Variants in EIF3E observed in about 807,000 individuals in gnomAD.
EIF3E encodes eukaryotic translation initiation factor 3 subunit E, also known as eIF-3 p48.
EIF3E carries 25 observed loss-of-function variants against 59.3 expected under a neutral mutation model. That is an observed-to-expected ratio of 0.42 (90% CI 0.31 to 0.59). EIF3E has a LOEUF of 0.59. EIF3E is among the 20% of genes least tolerant of loss of function. The pLI, the probability that EIF3E is intolerant of heterozygous loss-of-function variation, is 0.15. For missense variants in EIF3E, 317 were observed against 534.3 expected, an observed-to-expected ratio of 0.59 and a Z score of 4.01; for synonymous variants, 176 against 170.2, an observed-to-expected ratio of 1.03 and a Z score of -0.26.
chr8:108,246,990 G>A (rs1445968902), intron 1 of EIF3E, among the ~76,000 whole-genome samples: 1 of 152,158 alleles, frequency 6.6e-6, no homozygotes, highest in Non-Finnish European at 1.5e-5. Flanking sequence ...GACTGCGAGA[G>A]CTCAGCGTTC....
intron 5 of EIF3E, 163 bp downstream of exon 5, chr8:108,234,835 T>G (rs1225786764): frequency 5.0e-6 from 2 of 402,724 alleles, no homozygotes; most frequent in Non-Finnish European, 8.7e-6. Flanking sequence ...TTCTAGTTTC[T>G]GTTTTTGAGT....
At chr8:108,233,653 G>A in intron 5 of EIF3E, 1 of 409,878 alleles carries the variant, frequency 2.4e-6, no homozygotes, top group Non-Finnish European at 4.9e-6. Flanking sequence ...ATCAGCCTGG[G>A]CAACATAGCA....
chr8:108,223,157 T>C (rs952521045), intron 7 of EIF3E, among the ~76,000 whole-genome samples: 1 of 152,168 alleles, frequency 6.6e-6, no homozygotes, highest in Non-Finnish European at 1.5e-5. Flanking sequence ...TTAACAGCTT[T>C]AAGTAACTAA....
At chr8:108,244,815 T>A (rs1815915385) in intron 1 of EIF3E, among the ~76,000 whole-genome samples, 1 of 152,024 alleles carries the variant, frequency 6.6e-6, no homozygotes, top group African/African-American at 2.4e-5. Context: ...GGAAAAAAAG[T>A]CACCTATTCT....
intron 10 of EIF3E, 56 bp from the exon 11 acceptor site, chr8:108,203,559 T>C: frequency 8.5e-6 from 12 of 1,403,642 alleles, no homozygotes; most frequent in Non-Finnish European, 1.2e-5. Flanking sequence ...AACTTAGTTT[T>C]ATGTACACAG....
chr8:108,241,456 C>A (rs1815832417), intron 2 of EIF3E, among the ~76,000 whole-genome samples: 1 of 151,506 alleles, frequency 6.6e-6, no homozygotes, highest in African/African-American at 2.4e-5. Flanking sequence ...AAACACAAAA[C>A]TCTAAGGCAC....
In EIF3E at chr8:108,240,047, A is replaced by G; in HGVS notation, c.234T>C (p.Val78=). The change falls in exon 3 of 13, where the codon GTT becomes GTC. Residue 78 remains valine, a synonymous_variant. Coordinates refer to ENST00000220849, the MANE Select transcript of EIF3E (RefSeq NM_001568.3). ...HALREKRTTV[V]AQLKQLQAET... is the part of the protein sequence containing the mutation. The stretch of plus-strand genomic sequence containing the variant: ...CTGCCTGAAGCTGTTTCAGTTGTGC[A>G]ACCACTGTGGTTCTTTTCTCTCTCA... The G allele has an allele frequency of 6.2e-7, 1 of 1,614,046 alleles. No individual in the cohort carries two copies.
intron 7 of EIF3E, 185 bp downstream of exon 7, chr8:108,228,082 T>C: frequency 1.8e-6 from 1 of 542,972 alleles, no homozygotes. Flanking sequence ...TAGGGTACAC[T>C]CTGTCAAATA....
chr8:108,230,372 A>G (rs532391495), intron 5 of EIF3E, among the ~76,000 whole-genome samples: 1 of 152,304 alleles, frequency 6.6e-6, no homozygotes, highest in South Asian at 2.1e-4. Flanking sequence ...CACCTGATAC[A>G]GAATAAGAAC....
At chr8:108,248,185 C>G (rs866367149) in intron 1 of EIF3E, among the ~76,000 whole-genome samples, 1 of 152,170 alleles carries the variant, frequency 6.6e-6, no homozygotes, top group Non-Finnish European at 1.5e-5. Context: ...CCAAAAGACT[C>G]GACATGCAAA....
intron 9 of EIF3E, among the ~76,000 whole-genome samples, chr8:108,215,718 G>C (rs147134606): frequency 0.012 from 1,871 of 152,208 alleles, 38 homozygotes; most frequent in African/African-American, 0.042. Flanking sequence ...CCCATTTTGT[G>C]CCAAAATTTT....
chr8:108,213,465 G>A (rs1357788669), intron 10 of EIF3E, among the ~76,000 whole-genome samples: 4 of 152,166 alleles, frequency 2.6e-5, no homozygotes, highest in Admixed American at 6.5e-5. Context: ...CCACAACAGC[G>A]GTAGTAGCTA....
At chr8:108,212,876 G>GA (rs35352376) in intron 10 of EIF3E, among the ~76,000 whole-genome samples, 13 of 150,346 alleles carry the variant, frequency 8.6e-5, no homozygotes, top group South Asian at 4.2e-4. Flanking sequence ...GTAAAACATT[G>GA]AAAAAAAAAT....
intron 1 of EIF3E, among the ~76,000 whole-genome samples, chr8:108,243,914 T>C (rs1396066522): frequency 6.6e-6 from 1 of 152,274 alleles, no homozygotes; most frequent in East Asian, 1.9e-4. Flanking sequence ...CTAGTAACTT[T>C]TAATTTGCCA....
chr8:108,236,122 TA>T (rs1815725088), intron 4 of EIF3E, 38 bp downstream of exon 4: 1 of 1,584,994 alleles, frequency 6.3e-7, no homozygotes, highest in African/African-American at 1.4e-5. Flanking sequence ...TCAGCATTAT[TA>T]AAACATGACA....
intron 10 of EIF3E, among the ~76,000 whole-genome samples, chr8:108,204,146 A>G (rs1815046578): frequency 6.6e-6 from 1 of 152,118 alleles, no homozygotes; most frequent in Admixed American, 6.6e-5. Flanking sequence ...TCCTAGAACC[A>G]GTCCCCCAAG....
chr8:108,213,327 A>G (rs776029582), intron 10 of EIF3E, among the ~76,000 whole-genome samples: 1 of 152,224 alleles, frequency 6.6e-6, no homozygotes, highest in Non-Finnish European at 1.5e-5. Flanking sequence ...CACTAATAAC[A>G]GAAGAAATTT....
chr8:108,247,562 A>G (rs1815971524), intron 1 of EIF3E, among the ~76,000 whole-genome samples: 1 of 152,238 alleles, frequency 6.6e-6, no homozygotes, highest in Non-Finnish European at 1.5e-5. Flanking sequence ...GTGCATATGA[A>G]TATGAGGATT....
intron 7 of EIF3E, among the ~76,000 whole-genome samples, chr8:108,225,834 C>G (rs1333807978): frequency 6.8e-6 from 1 of 147,332 alleles, no homozygotes; most frequent in Non-Finnish European, 1.5e-5. Context: ...AACTGAAGGT[C>G]TGCAAAAATG....
Sources: gnomAD v4.1 joint callset for allele counts (sites outside exome capture counted in the v4.1 genomes callset) on GRCh38, gnomAD v4.1.1 for gene constraint, MANE v1.5 for transcripts, NCBI Gene and HGNC (gene_info 2026-07-23, HGNC 2026-07-21) for gene names.